Variants in MAN2A2 observed in about 807,000 individuals in gnomAD.
MAN2A2 encodes the protein mannosidase alpha class 2A member 2, also known as alpha-mannosidase 2x.
A neutral mutation model predicts 126.8 loss-of-function variants in MAN2A2; 79 were observed. That is an observed-to-expected ratio of 0.62 (90% confidence interval 0.52 to 0.75). The LOEUF is 0.75. Ranked by LOEUF, MAN2A2 falls within the 30% of genes least tolerant of loss-of-function variation. The pLI, the probability that MAN2A2 is intolerant of heterozygous loss-of-function variation, is 0.00. For synonymous variants in MAN2A2, 671 were observed against 618.7 expected (o/e 1.08, Z -1.25); for missense variants, 1,392 against 1,522.4 (o/e 0.91, Z 1.43).
At chr15:90,904,970 A>G (rs1282322701) in intron 2 of MAN2A2, among the ~76,000 whole-genome samples, 4 of 152,198 alleles carry the variant, frequency 2.6e-5, no homozygotes, top group Non-Finnish European at 4.4e-5. Flanking sequence ...AATCCTCAGC[A>G]CAGGCAACAC....
rs144478704 is a variant in MAN2A2 at position 90,910,205 on chromosome 15, C to G, written c.1490C>G (p.Ala497Gly). The G allele has an allele frequency of 2.5e-6, 4 of 1,614,006 alleles. No individual in the cohort carries two copies. ...PVLSGDFFSY[A>G]DREDHYWTGY... ...CTGAGCGGGGATTTCTTCTCCTATG[C>G]GGACCGGGAGGATCATTACTGGACA... Residue 497 changes from alanine to glycine, a missense_variant, in exon 10 of 23, where the codon GCG becomes GGG. Ala to Gly is a moderately conservative substitution (Grantham distance 60). Transcript: ENST00000559717.
intron 6 of MAN2A2, 60 bp from the exon 7 acceptor site, chr15:90,906,680 G>T: frequency 6.3e-7 from 1 of 1,590,716 alleles, no homozygotes; most frequent in Admixed American, 1.7e-5. Context: ...CACCTGGAAG[G>T]CCGGGGGGCC....
In MAN2A2 at chr15:90,918,132, C is replaced by T. The variant is rs972126476; in HGVS notation, c.2995-62C>T. On this transcript the variant is annotated intron_variant, in intron 20 of 22. Coordinates refer to ENST00000559717, the MANE Select transcript of MAN2A2 (RefSeq NM_006122.4). ...CTGACCTGGGTGTGCTTTTATCCTG[C>T]CTCGTCCTCTCCCCTCAGCCTGGCT... is the stretch of plus-strand genomic sequence containing the variant. 12 of 1,497,874 alleles carry T rather than the reference C, an allele frequency of 8.0e-6. No individual in the cohort carries two copies. In the Admixed American group the frequency reaches 2.1e-4, roughly 26 times the overall value. The allele number at this position is 1,497,874 out of a possible 1,614,324, so 92.8% of individuals were successfully genotyped here.
chr15:90,906,677 A>C (rs2034316530), intron 6 of MAN2A2, 63 bp from the exon 7 acceptor site: 4 of 1,589,478 alleles, frequency 2.5e-6, no homozygotes, highest in Middle Eastern at 1.7e-4. Context: ...CAGCACCTGG[A>C]AGGCCGGGGG....
At chr15:90,913,166 G>A in intron 17 of MAN2A2, 107 bp from the exon 18 acceptor site, 1 of 1,411,030 alleles carries the variant, frequency 7.1e-7, no homozygotes, top group Non-Finnish European at 9.7e-7. Flanking sequence ...TTTCTTGGGA[G>A]GTTGGACAGA....
chr15:90,914,383 G>T (rs1420012223), intron 19 of MAN2A2, among the ~76,000 whole-genome samples: 1 of 152,232 alleles, frequency 6.6e-6, no homozygotes, highest in Non-Finnish European at 1.5e-5. Flanking sequence ...GCTGAGGTGT[G>T]CAACCCTCTT....
chr15:90,918,482 A>G, intron 21 of MAN2A2, 94 bp downstream of exon 21: 11 of 1,420,440 alleles, frequency 7.7e-6, no homozygotes, highest in Non-Finnish European at 9.7e-6. Flanking sequence ...TGAGGTCCAG[A>G]CCCCTTAGCA....
At position 90,905,284 on chromosome 15, in the gene MAN2A2, C is replaced by A; in HGVS notation, c.166C>A (p.Gln56Lys). The A allele has an allele frequency of 6.2e-7, 1 of 1,613,586 alleles. No individual in the cohort carries two copies. The highest frequency in any genetic ancestry group is 8.5e-7 in the Non-Finnish European group (1 of 1,180,030). The change falls in exon 3 of 23, where the codon CAG (glutamine) becomes AAG (lysine). Residue 56 changes from glutamine (Q) to lysine (K), a missense_variant. Physicochemically the swap from Gln to Lys is moderately conservative, Grantham distance 53 (BLOSUM62 1). Coordinates refer to ENST00000559717, the MANE Select transcript of MAN2A2 (RefSeq NM_006122.4). ...TTCTGTGCTGCAGAACCGCATTGAG[C>A]AGCTGGAGCAGCTTTTGGAGGAGAA... ...QISVLQNRIE[Q>K]LEQLLEENHE...
In MAN2A2 at chr15:90,905,614, C is replaced by T. The variant is rs147359069; in HGVS notation, c.426C>T (p.Asn142=). The T allele has an allele frequency of 7.8e-4, 1,255 of 1,614,154 alleles. 1 individual carries two copies. Among genetic ancestry groups the T allele is most frequent in the Admixed American group, 1.4e-3 (85 of 60,016 alleles). ...LTVSEELPFD[N]VDGGVWRQGF... ...TGTCGGAGGAGCTGCCGTTTGACAA[C>T]GTGGATGGTGGTGTGTGGAGGCAAG... The change falls in exon 4 of 23, where the codon AAC becomes AAT. Residue 142 remains asparagine, a synonymous_variant. Coordinates refer to ENST00000559717, the MANE Select transcript of MAN2A2 (RefSeq NM_006122.4).
Position 90,921,272 on chromosome 15 carries a change from G to A in MAN2A2, c.*1485G>A, listed in dbSNP as rs1027757874. On this transcript the variant is annotated 3_prime_UTR_variant, in exon 23 of 23. Transcript: ENST00000559717. The stretch of plus-strand genomic sequence containing the variant: ...CACATCATGTTCCTGTCCACATACT[G>A]GTTTTCCCCAAATCAGCTGATAAAT... 6.6e-5 allele frequency: 10 copies of A among 152,204 alleles called. No individual in the cohort carries two copies. Among genetic ancestry groups the A allele is most frequent in the African/African-American group, 2.2e-4 (9 of 41,448 alleles). 9.4% of individuals were successfully genotyped at this position (152,204 alleles called of 1,614,324 possible). A position where few individuals can be genotyped will look rare whatever the true frequency, so the allele number is the denominator to read the frequency against.
At position 90,906,771 on chromosome 15, in the gene MAN2A2, C is replaced by A; in HGVS notation, c.867C>A (p.Asp289Glu). The change falls in exon 7 of 23, where the codon GAC becomes GAA. Residue 289 changes from aspartate (D) to glutamate (E), a missense_variant. By Grantham distance (45) the Asp-to-Glu change is conservative. Transcript: ENST00000559717. ...GATPRSGWAV[D>E]PFGYSSTMPY... ...CCCCCCGCTCTGGCTGGGCAGTGGA[C>A]CCCTTTGGATACAGCTCCACCATGC... 6.2e-7 allele frequency: 1 copy of A among 1,613,414 alleles called. No individual in the cohort carries two copies. The highest frequency in any genetic ancestry group is 8.5e-7 in the Non-Finnish European group (1 of 1,179,966).
rs1287281338 is a variant in MAN2A2 at position 90,922,521 on chromosome 15, AGG to A, written c.*2735_*2736del. On this transcript the variant is annotated 3_prime_UTR_variant, in exon 23 of 23. Transcript: ENST00000559717. ...CTAGTAGAATTTGTAATCAAACAATAGGAGGGGAATCTGTGAACGCCTAGAAA... is the reference window on the plus strand; with the variant it reads ...CTAGTAGAATTTGTAATCAAACAATAAGGGGAATCTGTGAACGCCTAGAAA... 1 of 152,188 alleles carries A rather than the reference AGG, an allele frequency of 6.6e-6. No homozygotes were observed. Among genetic ancestry groups the A allele is most frequent in the Non-Finnish European group, 1.5e-5 (1 of 68,026 alleles). The allele number at this position is 152,188 out of a possible 1,614,324, so 9.4% of individuals were successfully genotyped here. A position where few individuals can be genotyped will look rare whatever the true frequency, so the allele number is the denominator to read the frequency against.
At chr15:90,907,589 G>A in intron 8 of MAN2A2, 94 bp downstream of exon 8, 1 of 1,248,290 alleles carries the variant, frequency 8.0e-7, no homozygotes, top group South Asian at 1.4e-5. Flanking sequence ...CAGGTGGTGA[G>A]TTGAGGCTCC....
chr15:90,919,038 T>C (rs979937463), intron 22 of MAN2A2, among the ~76,000 whole-genome samples: 4 of 152,308 alleles, frequency 2.6e-5, no homozygotes, highest in Non-Finnish European at 4.4e-5. Flanking sequence ...TGTTGTTACT[T>C]TGTAAGCTCA....
chr15:90,920,928 T>C lies in MAN2A2; in HGVS notation c.*1141T>C, dbSNP rs111333549. The C allele has an allele frequency of 1.3e-5, 2 of 152,192 alleles. No homozygotes were observed. The highest frequency in any genetic ancestry group is 2.4e-5 in the African/African-American group (1 of 41,444). 9.4% of individuals were successfully genotyped at this position (152,192 alleles called of 1,614,324 possible). The stretch of plus-strand genomic sequence containing the variant: ...GGTATTTCGTAAGATTTAAAATCCA[T>C]CCCTTATTAAAACTCTTAGTAAATT... On this transcript the variant is annotated 3_prime_UTR_variant, in exon 23 of 23. Transcript: ENST00000559717.
chr15:90,910,501 G>T lies in MAN2A2; in HGVS notation c.1578G>T (p.Arg526=), dbSNP rs369714610. 3.1e-6 allele frequency: 5 copies of T among 1,613,684 alleles called. No individual in the cohort carries two copies. Among genetic ancestry groups the T allele is most frequent in the African/African-American group, 2.7e-5 (2 of 74,908 alleles). ...GCAGCTAACTTCTCTCTCTGGGCAG[G>T]GGGGCAGAGGTTCTGTACAGCCTGG... ...SLDRVLEAHL[R]GAEVLYSLAA... The change falls in exon 11 of 23, where the codon CGG becomes CGT. Residue 526 remains arginine (R), a splice_region_variant and synonymous_variant. Coordinates refer to ENST00000559717, the MANE Select transcript of MAN2A2 (RefSeq NM_006122.4).
rs1355653940 is a variant in MAN2A2 at position 90,913,641 on chromosome 15, C to T, written c.2746C>T (p.Leu916Phe). The T allele has an allele frequency of 6.2e-7, 1 of 1,612,798 alleles. No individual in the cohort carries two copies. Among genetic ancestry groups the T allele is most frequent in the African/African-American group, 1.3e-5 (1 of 75,042 alleles). ...GCAGCCCCGACGGTATCTGAAGAAG[C>T]TCCCCCTCCAGGCCAACTTCTACCC... Reference protein sequence around the residue: ...QVQPRRYLKKLPLQANFYPMP... With the variant: ...QVQPRRYLKKFPLQANFYPMP... The change falls in exon 19 of 23, where the codon CTC (leucine) becomes TTC (phenylalanine). Residue 916 changes from leucine (L) to phenylalanine (F), a missense_variant. Physicochemically the swap from Leu to Phe is conservative, Grantham distance 22. Coordinates refer to ENST00000559717, the MANE Select transcript of MAN2A2 (RefSeq NM_006122.4).
chr15:90,913,278 G>C lies in MAN2A2; in HGVS notation c.2590G>C (p.Glu864Gln). The C allele has an allele frequency of 1.9e-6, 3 of 1,614,018 alleles. No individual in the cohort carries two copies. In the South Asian group the frequency reaches 3.3e-5, roughly 18 times the overall value. Residue 864 changes from glutamate (E) to glutamine (Q), a missense_variant, in exon 18 of 23, where the codon GAG (glutamate) becomes CAG (glutamine). By Grantham distance (29) the Glu-to-Gln change is conservative (BLOSUM62 2). Coordinates refer to ENST00000559717, the MANE Select transcript of MAN2A2 (RefSeq NM_006122.4). ...AVRLYNLPGV[E>Q]GLSLDISSLV... ...CACTTTGTTCCTGTACCCAGGGGTG[G>C]AGGGGCTGTCTCTGGACATATCATC...
At position 90,916,108 on chromosome 15, in the gene MAN2A2, T is replaced by G; in HGVS notation, c.2861-15T>G. The G allele has an allele frequency of 6.2e-7, 1 of 1,613,662 alleles. No individual in the cohort carries two copies. ...GGGGTGGGGGCGGGCCAGCACTCAC[T>G]GTTTGCTTCCCCAGGCCAGCTGGAG... On this transcript the variant is annotated splice_polypyrimidine_tract_variant and intron_variant, in intron 19 of 22. Coordinates refer to ENST00000559717, the MANE Select transcript of MAN2A2 (RefSeq NM_006122.4).
Sources: gnomAD v4.1 joint callset for allele counts (sites outside exome capture counted in the v4.1 genomes callset) on GRCh38, gnomAD v4.1.1 for gene constraint, MANE v1.5 for transcripts, NCBI Gene and HGNC (gene_info 2026-07-23, HGNC 2026-07-21) for gene names.